Variants in IGF2BP2 observed in about 807,000 individuals in gnomAD.
The protein encoded by IGF2BP2 is insulin-like growth factor 2 mRNA-binding protein 2.
A neutral mutation model predicts 75.8 loss-of-function variants in IGF2BP2; 17 were observed. The observed-to-expected ratio is 0.22, with a 90% confidence interval of 0.15 to 0.34. The LOEUF is 0.34. IGF2BP2 is among the 10% of genes least tolerant of loss of function. IGF2BP2 has a pLI of 1.00. For synonymous variants in IGF2BP2, 288 were observed against 295.6 expected, an observed-to-expected ratio of 0.97 and a Z score of 0.26; for missense variants, 516 against 772.4, an observed-to-expected ratio of 0.67 and a Z score of 3.93.
intron 2 of IGF2BP2, among the ~76,000 whole-genome samples, chr3:185,805,252 C>A (rs1373768131): frequency 6.6e-6 from 1 of 152,008 alleles, no homozygotes; most frequent in Non-Finnish European, 1.5e-5. Flanking sequence ...CTAGAGTTAG[C>A]ACATATCCAG....
chr3:185,648,350 C>T (rs1350303305), intron 14 of IGF2BP2, among the ~76,000 whole-genome samples: 4 of 151,640 alleles, frequency 2.6e-5, no homozygotes, highest in African/African-American at 9.7e-5. Flanking sequence ...GCAGTCCCAG[C>T]TACTCAGGAG....
chr3:185,784,398 G>T (rs1314025386), intron 2 of IGF2BP2, among the ~76,000 whole-genome samples: 1 of 152,110 alleles, frequency 6.6e-6, no homozygotes, highest in Non-Finnish European at 1.5e-5. Flanking sequence ...TGACCTGCTG[G>T]ATCTCTAGGA....
chr3:185,799,368 C>T (rs1737874000), intron 2 of IGF2BP2, among the ~76,000 whole-genome samples: 1 of 152,102 alleles, frequency 6.6e-6, no homozygotes, highest in Admixed American at 6.5e-5. Flanking sequence ...CCACTGCCTT[C>T]CATCCCTGGG....
chr3:185,660,457 A>G (rs1475731832), intron 10 of IGF2BP2, among the ~76,000 whole-genome samples: 5 of 152,140 alleles, frequency 3.3e-5, no homozygotes, highest in Admixed American at 6.5e-5. Flanking sequence ...TGAGCTTGGA[A>G]TGAGAAGGCA....
At chr3:185,754,037 C>T (rs1731287527) in intron 2 of IGF2BP2, among the ~76,000 whole-genome samples, 4 of 150,854 alleles carry the variant, frequency 2.7e-5, no homozygotes, top group Admixed American at 2.6e-4. Flanking sequence ...AACCCCATCT[C>T]TACAAAAAAA....
At chr3:185,786,631 G>A (rs138898771) in intron 2 of IGF2BP2, among the ~76,000 whole-genome samples, 8 of 152,006 alleles carry the variant, frequency 5.3e-5, no homozygotes, top group East Asian at 1.9e-4. Flanking sequence ...AGGTCCCTTC[G>A]CTGACTCTCT....
At chr3:185,733,774 T>A (rs1021315176) in intron 2 of IGF2BP2, among the ~76,000 whole-genome samples, 10 of 151,558 alleles carry the variant, frequency 6.6e-5, no homozygotes, top group Admixed American at 1.3e-4. Flanking sequence ...ATAATAATAA[T>A]AAATAAATAA....
intron 2 of IGF2BP2, among the ~76,000 whole-genome samples, chr3:185,771,473 C>G (rs1037055129): frequency 6.6e-6 from 1 of 151,356 alleles, no homozygotes; most frequent in Non-Finnish European, 1.5e-5. Context: ...AATATAATCA[C>G]TGTTTTAACT....
At chr3:185,815,877 AT>A (rs559375003) in intron 2 of IGF2BP2, among the ~76,000 whole-genome samples, 48 of 152,252 alleles carry the variant, frequency 3.2e-4, no homozygotes, top group African/African-American at 4.3e-4. Flanking sequence ...TATTTAGCAT[AT>A]TTTTTTGTGC....
Position 185,675,212 on chromosome 3 carries a change from T to C in IGF2BP2, c.1071+84A>G. The C allele has an allele frequency of 2.1e-6, 3 of 1,422,898 alleles. No individual in the cohort carries two copies. In the South Asian group the frequency reaches 3.9e-5, roughly 19 times the overall value. 88.1% of individuals were successfully genotyped at this position (1,422,898 alleles called of 1,614,324 possible). On this transcript the variant is annotated intron_variant, in intron 9 of 15. Transcript: ENST00000382199. ...AGTCAGGAAAAACTCTGCATACCTA[T>C]CCTAAGGCACTTCCTCATTAGCTGA... is the stretch of plus-strand genomic sequence containing the variant.
At chr3:185,690,524 A>G (rs1259999932) in intron 5 of IGF2BP2, among the ~76,000 whole-genome samples, 2 of 152,216 alleles carry the variant, frequency 1.3e-5, no homozygotes, top group Non-Finnish European at 2.9e-5. Flanking sequence ...ACTGTTTAAC[A>G]TTCTATTGAT....
chr3:185,650,171 T>C (rs941984929), intron 13 of IGF2BP2, among the ~76,000 whole-genome samples: 2 of 151,734 alleles, frequency 1.3e-5, no homozygotes, highest in African/African-American at 4.8e-5. Flanking sequence ...CCTCCCACCT[T>C]GGCCTCCCAA....
intron 10 of IGF2BP2, among the ~76,000 whole-genome samples, chr3:185,664,587 T>C (rs931067027): frequency 6.6e-6 from 1 of 152,288 alleles, no homozygotes; most frequent in South Asian, 2.1e-4. Context: ...CAATAATTTG[T>C]ATATAGACTG....
intron 2 of IGF2BP2, among the ~76,000 whole-genome samples, chr3:185,790,312 C>T (rs2149855450): frequency 6.6e-6 from 1 of 152,214 alleles, no homozygotes; most frequent in South Asian, 2.1e-4. Flanking sequence ...CCCAAAGTCC[C>T]CCAAATACAA....
intron 2 of IGF2BP2, chr3:185,718,111 C>T (rs1382918640): frequency 6.6e-6 from 1 of 152,198 alleles, no homozygotes; most frequent in Admixed American, 6.5e-5. Context: ...ACTACGGCCC[C>T]TGCGCTACAT....
At chr3:185,754,591 G>A (rs1731360200) in intron 2 of IGF2BP2, among the ~76,000 whole-genome samples, 1 of 152,194 alleles carries the variant, frequency 6.6e-6, no homozygotes, top group South Asian at 2.1e-4. Context: ...TAAGATGAGG[G>A]AGAGTTTGGA....
intron 2 of IGF2BP2, chr3:185,821,208 T>G: frequency 8.0e-7 from 1 of 1,251,490 alleles, no homozygotes; most frequent in East Asian, 2.6e-5. Context: ...CAATCAGAAA[T>G]GATGTAACTC....
Position 185,657,315 on chromosome 3 carries a change from G to A in IGF2BP2, c.1357C>T (p.Leu453=). The part of the protein sequence containing the change: ...IGKKGAHIKQ[L]ARFAGASIKI... ...ATAGAGGCTCCGGCGAATCTCGCCA[G>A]CTGTTTGATGTGTGCCCCCTTCTTC... is the stretch of plus-strand genomic sequence containing the variant. The change falls in exon 12 of 16, where the codon CTG becomes TTG. Residue 453 remains leucine (L), a synonymous_variant. Transcript: ENST00000382199. The A allele has an allele frequency of 6.2e-7, 1 of 1,613,920 alleles. No homozygotes were observed. Among genetic ancestry groups the A allele is most frequent in the African/African-American group, 1.3e-5 (1 of 75,062 alleles).
At chr3:185,676,965 CATATGGAGATACATAT>C (rs1331184163) in intron 7 of IGF2BP2, among the ~76,000 whole-genome samples, 1 of 125,974 alleles carries the variant, frequency 7.9e-6, no homozygotes, top group Non-Finnish European at 1.6e-5. Flanking sequence ...GATATATATA[CATATGGAGATACATAT>C]ATATGGAGAT....
Sources: gnomAD v4.1 joint callset for allele counts (sites outside exome capture counted in the v4.1 genomes callset) on GRCh38, gnomAD v4.1.1 for gene constraint, MANE v1.5 for transcripts, NCBI Gene and HGNC (gene_info 2026-07-23, HGNC 2026-07-21) for gene names.